Variants in VAV3 observed in about 807,000 individuals in gnomAD.
VAV3 encodes the protein guanine nucleotide exchange factor VAV3.
VAV3 carries 94 observed loss-of-function variants against 131.2 expected under a neutral mutation model. The observed-to-expected ratio is 0.72, with a 90% confidence interval of 0.61 to 0.85. The LOEUF is 0.85. VAV3 is among the 40% of genes least tolerant of loss of function. The probability of loss-of-function intolerance (pLI) is 0.00; values close to 1 mark genes in which losing one functional copy is unlikely to be tolerated. For synonymous variants in VAV3, 349 were observed against 342.0 expected (o/e 1.02, Z -0.22); for missense variants, 939 against 1,002.7 (o/e 0.94, Z 0.86).
chr1:107,917,152 T>A (rs1672663408), intron 1 of VAV3, among the ~76,000 whole-genome samples: 1 of 152,120 alleles, frequency 6.6e-6, no homozygotes, highest in African/African-American at 2.4e-5. Flanking sequence ...GAGTCCTGCA[T>A]GGGCCAGAGC....
chr1:107,848,312 CAAAAAAAA>C (rs34249858), intron 2 of VAV3, among the ~76,000 whole-genome samples: 1 of 92,174 alleles, frequency 1.1e-5, no homozygotes, highest in Non-Finnish European at 2.1e-5. Context: ...GACTCCGTCT[CAAAAAAAA>C]AAAAAAAAAA....
At chr1:107,937,804 A>C (rs1673796577) in intron 1 of VAV3, among the ~76,000 whole-genome samples, 1 of 152,212 alleles carries the variant, frequency 6.6e-6, no homozygotes, top group Non-Finnish European at 1.5e-5. Flanking sequence ...TAATGACTGC[A>C]TTAATATCTA....
chr1:107,722,840 C>CTTTTTGTT (rs1661582663), intron 15 of VAV3, among the ~76,000 whole-genome samples: 1 of 129,812 alleles, frequency 7.7e-6, no homozygotes, highest in African/African-American at 2.9e-5. Context: ...ATTATCCTCT[C>CTTTTTGTT]TTTTTTTTTT....
intron 17 of VAV3, among the ~76,000 whole-genome samples, chr1:107,689,961 G>A (rs1659316429): frequency 1.3e-5 from 2 of 152,082 alleles, no homozygotes; most frequent in South Asian, 2.1e-4. Context: ...TCCCCTACTG[G>A]TGAGTTAGAG....
intron 2 of VAV3, among the ~76,000 whole-genome samples, chr1:107,816,457 A>G (rs1287701681): frequency 6.6e-6 from 1 of 152,200 alleles, no homozygotes; most frequent in Non-Finnish European, 1.5e-5. Flanking sequence ...AATACTGGCC[A>G]CATGCAGTCT....
intron 2 of VAV3, among the ~76,000 whole-genome samples, chr1:107,824,365 T>G (rs1002304153): frequency 4.6e-5 from 7 of 152,212 alleles, no homozygotes; most frequent in Admixed American, 4.6e-4. Context: ...TTTGTTTGTT[T>G]GTTTTACAGT....
At chr1:107,811,737 C>T (rs1280091631) in intron 2 of VAV3, among the ~76,000 whole-genome samples, 1 of 152,010 alleles carries the variant, frequency 6.6e-6, no homozygotes, top group Non-Finnish European at 1.5e-5. Flanking sequence ...CTAAATAATT[C>T]TTACAAATCA....
chr1:107,634,277 T>C (rs192221334), intron 20 of VAV3, among the ~76,000 whole-genome samples: 1 of 152,222 alleles, frequency 6.6e-6, no homozygotes, highest in Non-Finnish European at 1.5e-5. Flanking sequence ...AACAGTGAGA[T>C]AGACCAATGG....
chr1:107,591,278 T>C (rs1381140515), intron 25 of VAV3, among the ~76,000 whole-genome samples: 1 of 152,150 alleles, frequency 6.6e-6, no homozygotes, highest in Non-Finnish European at 1.5e-5. Flanking sequence ...TTATCAAAAT[T>C]TGTGATTATT....
intron 2 of VAV3, among the ~76,000 whole-genome samples, chr1:107,804,287 G>C (rs1666959322): frequency 6.6e-6 from 1 of 152,122 alleles, no homozygotes; most frequent in African/African-American, 2.4e-5. Flanking sequence ...TTTGTTGCTT[G>C]TTTTCTGGTT....
intron 2 of VAV3, among the ~76,000 whole-genome samples, chr1:107,868,782 C>A (rs1670120585): frequency 6.6e-6 from 1 of 152,148 alleles, no homozygotes; most frequent in Admixed American, 6.5e-5. Flanking sequence ...AACCTGAAAT[C>A]ATTTAACTGG....
chr1:107,764,441 G>T (rs546365702), intron 9 of VAV3, among the ~76,000 whole-genome samples: 1 of 152,114 alleles, frequency 6.6e-6, no homozygotes, highest in Admixed American at 6.5e-5. Context: ...ATTTGTGTTC[G>T]TCTTCTCTTC....
chr1:107,853,595 T>C (rs1669329591), intron 2 of VAV3, among the ~76,000 whole-genome samples: 1 of 151,826 alleles, frequency 6.6e-6, no homozygotes. Context: ...AAAAAATTCA[T>C]TTATAGTGCT....
chr1:107,872,638 G>A (rs1670303786), intron 2 of VAV3, among the ~76,000 whole-genome samples: 1 of 152,104 alleles, frequency 6.6e-6, no homozygotes, highest in African/African-American at 2.4e-5. Flanking sequence ...AAAAATAATA[G>A]TATCCACATG....
chr1:107,618,971 T>G (rs1653369672), intron 20 of VAV3, among the ~76,000 whole-genome samples: 1 of 152,188 alleles, frequency 6.6e-6, no homozygotes, highest in African/African-American at 2.4e-5. Context: ...TGGGTCTCAC[T>G]TTCGGAGTTG....
At chr1:107,605,670 C>A (rs12566601) in intron 22 of VAV3, among the ~76,000 whole-genome samples, 54,124 of 151,978 alleles carry the variant, frequency 0.36, 9,972 homozygotes, top group Middle Eastern at 0.42. Flanking sequence ...AGATTATAGT[C>A]AAAATGCAGT....
intron 1 of VAV3, among the ~76,000 whole-genome samples, chr1:107,941,175 T>A (rs1026195914): frequency 6.6e-6 from 1 of 152,138 alleles, no homozygotes; most frequent in African/African-American, 2.4e-5. Context: ...CCGTAGTCCC[T>A]CCAGGCCCTA....
intron 1 of VAV3, among the ~76,000 whole-genome samples, chr1:107,929,768 T>C (rs984481733): frequency 6.6e-6 from 1 of 152,152 alleles, no homozygotes; most frequent in Non-Finnish European, 1.5e-5. Flanking sequence ...CAGCTTAAAG[T>C]AGATTTGGAA....
In VAV3 at chr1:107,694,219, G is replaced by A. The variant is rs145701672; in HGVS notation, c.1706-5813C>T. 9.1e-3 allele frequency among the ~76,000 whole-genome samples: 1,387 copies of A among 152,306 alleles called. 23 individuals are homozygous for A. Among genetic ancestry groups the A allele is most frequent in the African/African-American group, 0.032 (1,314 of 41,570 alleles). ...ATTTAATTCAGGCTACCATTGGATG[G>A]TCAAGGTACGGTTAATGATTGGCAA... On this transcript the variant is annotated intron_variant, in intron 17 of 26. Coordinates refer to ENST00000370056, the MANE Select transcript of VAV3 (RefSeq NM_006113.5).
Sources: gnomAD v4.1 joint callset for allele counts (sites outside exome capture counted in the v4.1 genomes callset) on GRCh38, gnomAD v4.1.1 for gene constraint, MANE v1.5 for transcripts, NCBI Gene and HGNC (gene_info 2026-07-23, HGNC 2026-07-21) for gene names.